Variants in POTEJ observed in about 807,000 individuals in gnomAD.
The protein encoded by POTEJ is POTE ankyrin domain family, member J.
Under a neutral mutation model 69.0 loss-of-function variants are expected in POTEJ, and 11 were observed. That is an observed-to-expected ratio of 0.16 (90% CI 0.10 to 0.26). POTEJ has a LOEUF of 0.26. Ranked by LOEUF, POTEJ falls within the 10% of genes least tolerant of loss-of-function variation. POTEJ has a pLI of 1.00. For synonymous variants in POTEJ, 117 were observed against 381.1 expected (o/e 0.31, Z 8.07); for missense variants, 327 against 1,045.5 (o/e 0.31, Z 9.48).
intron 9 of POTEJ, among the ~76,000 whole-genome samples, chr2:130,637,853 T>A (rs1320463040): frequency 6.6e-6 from 1 of 150,446 alleles, no homozygotes; most frequent in Non-Finnish European, 1.5e-5. Context: ...GAAGGATCAT[T>A]GGTCCAAGTC....
In POTEJ at chr2:130,656,650, T is replaced by G. The variant is rs2105268652; in HGVS notation, c.1890T>G (p.His630Gln). The change falls in exon 15 of 15, where the codon CAT becomes CAG. Residue 630 changes from histidine to glutamine, a missense_variant. By Grantham distance (24) the His-to-Gln change is conservative. Coordinates refer to ENST00000409602, the MANE Select transcript of POTEJ (RefSeq NM_001277083.2). ...GACTGGAGCTAGACACAATGAAACATCAGAGCCAGCTAAGAAAAAAGAAAT... is the reference window on the plus strand; with the variant it reads ...GACTGGAGCTAGACACAATGAAACAGCAGAGCCAGCTAAGAAAAAAGAAAT... ...MLRLELDTMK[H>Q]QSQLRKKKYL... 6.2e-7 allele frequency: 1 copy of G among 1,610,112 alleles called. No individual in the cohort carries two copies. Among genetic ancestry groups the G allele is most frequent in the South Asian group, 1.1e-5 (1 of 90,996 alleles).
chr2:130,641,854 A>G (rs1364224787), intron 10 of POTEJ, among the ~76,000 whole-genome samples: 1 of 152,242 alleles, frequency 6.6e-6, no homozygotes, highest in African/African-American at 2.4e-5. Flanking sequence ...AAAGTCAGTA[A>G]TAAATGTCCA....
intron 8 of POTEJ, among the ~76,000 whole-genome samples, chr2:130,631,803 A>G (rs918484692): frequency 4.2e-5 from 6 of 142,732 alleles, no homozygotes; most frequent in African/African-American, 8.4e-5. Flanking sequence ...TGTATCTTCC[A>G]GCTAGATAAT....
At chr2:130,618,291 T>C (rs1368193238) in intron 3 of POTEJ, among the ~76,000 whole-genome samples, 3 of 152,312 alleles carry the variant, frequency 2.0e-5, no homozygotes, top group African/African-American at 7.2e-5. Flanking sequence ...GGGTGAGAAA[T>C]GAGACTGAAG....
chr2:130,648,789 T>G (rs1468882182), intron 13 of POTEJ, among the ~76,000 whole-genome samples: 8 of 105,308 alleles, frequency 7.6e-5, no homozygotes, highest in African/African-American at 3.4e-4. Flanking sequence ...TAGTTTTTTT[T>G]TTTTTTTTTT....
Position 130,645,509 on chromosome 2 carries a change from A to C in POTEJ, c.1441-228A>C, listed in dbSNP as rs1287837165. 4.5e-5 allele frequency among the ~76,000 whole-genome samples: 6 copies of C among 134,684 alleles called. No individual in the cohort carries two copies. The Admixed American group carries it at 4.5e-4, about 10-fold the overall frequency. 88.4% of individuals were successfully genotyped at this position (134,684 alleles called of 152,430 possible). On this transcript the variant is annotated intron_variant, in intron 11 of 14. Coordinates refer to ENST00000409602, the MANE Select transcript of POTEJ (RefSeq NM_001277083.2). ...TTGTCTAAGGTGAATTATTTTTCAC[A>C]TGTTAGAAGCCAGTGATGTGGCAGT...
At position 130,648,119 on chromosome 2, in the gene POTEJ, T is replaced by C. The variant is rs1686657868; in HGVS notation, c.1667+1809T>C. On this transcript the variant is annotated intron_variant, in intron 13 of 14. Transcript: ENST00000409602. ...CTGATTTTTATCAAGCAAGAAATAT[T>C]CTCCTTGAGAGTTTTAGTATTTCTT... Among the ~76,000 whole-genome samples, 2 of 147,572 alleles carry C rather than the reference T, an allele frequency of 1.4e-5. 1 individual carries two copies. Among genetic ancestry groups the C allele is most frequent in the African/African-American group, 5.0e-5 (2 of 40,026 alleles).
intron 6 of POTEJ, among the ~76,000 whole-genome samples, chr2:130,629,080 A>G (rs1435285597): frequency 6.6e-6 from 1 of 152,176 alleles, no homozygotes; most frequent in African/African-American, 2.4e-5. Flanking sequence ...GAAACATTTT[A>G]GATATTGGGA....
Position 130,651,811 on chromosome 2 carries a change from C to T in POTEJ, c.1668-3110C>T, listed in dbSNP as rs1313839452. 2.1e-5 allele frequency among the ~76,000 whole-genome samples: 3 copies of T among 145,438 alleles called. 1 individual carries two copies. Among genetic ancestry groups the T allele is most frequent in the African/African-American group, 5.2e-5 (2 of 38,550 alleles). ...TTTTTATCTCATTAAAAAGTTGTTA[C>T]AATTTTCTGCTGGCAAATCTAGCTT... is the stretch of plus-strand genomic sequence containing the variant. On this transcript the variant is annotated intron_variant, in intron 13 of 14. Transcript: ENST00000409602.
chr2:130,613,618 G>A (rs1233780910), intron 1 of POTEJ, among the ~76,000 whole-genome samples: 3 of 138,028 alleles, frequency 2.2e-5, no homozygotes, highest in Non-Finnish European at 3.1e-5. Flanking sequence ...GGCCAGGCAG[G>A]TCTTGAACTC....
intron 13 of POTEJ, among the ~76,000 whole-genome samples, chr2:130,648,084 C>G (rs1686656616): frequency 6.8e-6 from 1 of 147,786 alleles, no homozygotes. Context: ...GTCAACTGTC[C>G]TAGAATTGGC....
Position 130,656,751 on chromosome 2 carries a change from T to C in POTEJ, c.1991T>C (p.Met664Thr), listed in dbSNP as rs775476833. The change falls in exon 15 of 15, where the codon ATG becomes ACG. Residue 664 changes from methionine (M) to threonine (T), a missense_variant. Coordinates refer to ENST00000409602, the MANE Select transcript of POTEJ (RefSeq NM_001277083.2). ...GCTCTACAATTGAATGAGCTCACCA[T>C]GGATGATGATACCGCTGTGCTCGTC... is the stretch of plus-strand genomic sequence containing the variant. ...LKALQLNELTMDDDTAVLVID... is the reference protein window; with the variant it reads ...LKALQLNELTTDDDTAVLVID... 2 of 1,610,172 alleles carry C rather than the reference T, an allele frequency of 1.2e-6. No individual in the cohort carries two copies. The highest frequency in any genetic ancestry group is 2.2e-5 in the East Asian group (1 of 44,896).
At chr2:130,641,638 A>G (rs1271352776) in intron 10 of POTEJ, among the ~76,000 whole-genome samples, 6 of 151,614 alleles carry the variant, frequency 4.0e-5, no homozygotes, top group African/African-American at 1.5e-4. Flanking sequence ...TAACCTGGAC[A>G]TGAGGAAGGA....
At position 130,656,517 on chromosome 2, in the gene POTEJ, G is replaced by A; in HGVS notation, c.1789-32G>A. On this transcript the variant is annotated intron_variant, in intron 14 of 14. Coordinates refer to ENST00000409602, the MANE Select transcript of POTEJ (RefSeq NM_001277083.2). ...AAATCATGTTATGTCAATCTATTGA[G>A]TGCTAACTAAAAGTTCTCTTTGTTT... is the stretch of plus-strand genomic sequence containing the variant. The A allele has an allele frequency of 2.5e-6, 4 of 1,601,286 alleles. 1 individual carries two copies. The highest frequency in any genetic ancestry group is 3.4e-5 in the Admixed American group (2 of 59,114).
rs1386062695 is a variant in POTEJ, at chr2:130,636,903, C to G, written c.1299-1716C>G. Among the ~76,000 whole-genome samples, 2 of 146,432 alleles carry G rather than the reference C, an allele frequency of 1.4e-5. 1 individual carries two copies. Among genetic ancestry groups the G allele is most frequent in the African/African-American group, 5.0e-5 (2 of 40,180 alleles). On this transcript the variant is annotated intron_variant, in intron 9 of 14. Transcript: ENST00000409602. ...GTCAGGAGATCGAGACCAGTGAAAC[C>G]CCATCTCTACTAAAAATACAAAAAA...
chr2:130,623,961 A>G (rs1447905935), intron 5 of POTEJ, 103 bp from the exon 6 acceptor site: 1 of 1,155,862 alleles, frequency 8.7e-7, no homozygotes, highest in Non-Finnish European at 1.2e-6. Flanking sequence ...TTAAGTTCTG[A>G]TATTCTGATA....
intron 5 of POTEJ, among the ~76,000 whole-genome samples, chr2:130,623,831 AT>A (rs1225615717): frequency 7.6e-6 from 1 of 131,104 alleles, no homozygotes. Context: ...ATGCTAGCTA[AT>A]TTACTGGGTC....
intron 9 of POTEJ, among the ~76,000 whole-genome samples, chr2:130,633,639 T>C (rs1328184154): frequency 6.8e-6 from 1 of 146,930 alleles, no homozygotes; most frequent in African/African-American, 2.6e-5. Context: ...AAATGGAAGC[T>C]ACATGCTATA....
intron 1 of POTEJ, among the ~76,000 whole-genome samples, chr2:130,613,280 GTATATATACA>G (rs1558915489): frequency 0.018 from 833 of 47,184 alleles, 45 homozygotes; most frequent in African/African-American, 0.15. Context: ...ATATACATAT[GTATATATACA>G]TATATATACA....
Sources: gnomAD v4.1 joint callset for allele counts (sites outside exome capture counted in the v4.1 genomes callset) on GRCh38, gnomAD v4.1.1 for gene constraint, MANE v1.5 for transcripts, NCBI Gene and HGNC (gene_info 2026-07-23, HGNC 2026-07-21) for gene names.